ANKAR: variants seen among roughly 807,000 people sequenced by gnomAD.
ANKAR encodes ankyrin and armadillo repeat-containing protein.
Under a neutral mutation model 146.2 loss-of-function variants are expected in ANKAR, and 136 were observed. The ratio of observed to expected loss-of-function variants is 0.93; its 90% CI spans 0.81 to 1.07. The LOEUF is 1.07. Ranked by LOEUF, ANKAR falls within the 50% of genes least tolerant of loss-of-function variation. The pLI is 0.00. For synonymous variants in ANKAR, 500 were observed against 575.8 expected (o/e 0.87, Z 1.88); for missense variants, 1,567 against 1,679.9 (o/e 0.93, Z 1.18).
chr2:189,710,611 G>A (rs900142694), intron 9 of ANKAR, among the ~76,000 whole-genome samples: 1 of 152,122 alleles, frequency 6.6e-6, no homozygotes, highest in Non-Finnish European at 1.5e-5. Flanking sequence ...ACCAGCCTGG[G>A]CCACATGGCA....
At chr2:189,737,982 C>T in intron 18 of ANKAR, 141 bp downstream of exon 18, 2 of 708,850 alleles carry the variant, frequency 2.8e-6, no homozygotes, top group African/African-American at 3.7e-5. Context: ...CCTTCTACCT[C>T]ATAAAAACTC....
chr2:189,705,054 T>G lies in ANKAR; in HGVS notation c.1740T>G (p.Ala580=). The part of the protein sequence containing the change: ...GPTPLHLAAQ[A]CSLETTVCLL... ...CACCTCTACACCTTGCTGCACAGGC[T>G]TGCTCATTAGAAACAACAGTTTGTC... Residue 580 remains alanine (A), a synonymous_variant, in exon 8 of 23, where the codon GCT becomes GCG. Coordinates refer to ENST00000684021, the MANE Select transcript of ANKAR (RefSeq NM_001378068.1). 1 of 1,614,106 alleles carries G rather than the reference T, an allele frequency of 6.2e-7. No individual in the cohort carries two copies.
chr2:189,707,104 A>C lies in ANKAR; in HGVS notation c.2077A>C (p.Lys693Gln), dbSNP rs557968712. Residue 693 changes from lysine (K) to glutamine (Q), a missense_variant, in exon 9 of 23, where the codon AAA becomes CAA. Transcript: ENST00000684021. ...TACAGAGGTTCTCAAATATATAATA[A>C]AATTAAATATTCCTGAACTCCCAGT... ...FHTEVLKYII[K>Q]LNIPELPVWK... 2.5e-6 allele frequency: 4 copies of C among 1,579,706 alleles called. No individual in the cohort carries two copies. Among genetic ancestry groups the C allele is most frequent in the Non-Finnish European group, 3.4e-6 (4 of 1,162,758 alleles).
chr2:189,696,103 A>C (rs1408551458), intron 6 of ANKAR, 47 bp from the exon 7 acceptor site: 1 of 1,579,666 alleles, frequency 6.3e-7, no homozygotes, highest in Non-Finnish European at 8.6e-7. Flanking sequence ...CTTAAACCAA[A>C]CTTTAGGTGC....
intron 5 of ANKAR, among the ~76,000 whole-genome samples, chr2:189,693,657 G>C (rs1424292799): frequency 6.6e-6 from 1 of 152,174 alleles, no homozygotes. Context: ...ACCAAGTCTG[G>C]AACTTTGGAG....
At chr2:189,740,387 C>T (rs1228411409) in intron 19 of ANKAR, among the ~76,000 whole-genome samples, 1 of 152,136 alleles carries the variant, frequency 6.6e-6, no homozygotes, top group African/African-American at 2.4e-5. Context: ...AATTTCTTGG[C>T]TTATAATAGA....
intron 20 of ANKAR, among the ~76,000 whole-genome samples, chr2:189,742,864 T>TCACA (rs1456072937): frequency 0.012 from 138 of 11,536 alleles, 1 homozygote; most frequent in Non-Finnish European, 0.049. Context: ...TAGAATTACC[T>TCACA]GACACACACA....
intron 10 of ANKAR, among the ~76,000 whole-genome samples, chr2:189,713,669 G>A (rs992456388): frequency 1.3e-5 from 2 of 152,214 alleles, no homozygotes; most frequent in Admixed American, 6.5e-5. Flanking sequence ...ATGCTGAATT[G>A]TAAAGACCAT....
At position 189,709,518 on chromosome 2, in the gene ANKAR, G is replaced by A. The variant is rs566162169; in HGVS notation, c.2120-1531G>A. ...ACATTTAACTCTGAATCATGCACAT[G>A]CATTACTTTGATAAAAATAAAAAAC... is the stretch of plus-strand genomic sequence containing the variant. On this transcript the variant is annotated intron_variant, in intron 9 of 22. Transcript: ENST00000684021. Among the ~76,000 whole-genome samples the A allele has an allele frequency of 5.3e-5, 8 of 152,274 alleles. 1 individual carries two copies. The East Asian group carries it at 1.5e-3, about 29-fold the overall frequency.
chr2:189,756,163 A>G (rs1032107967), intron 18 of ANKAR, among the ~76,000 whole-genome samples: 17 of 152,226 alleles, frequency 1.1e-4, no homozygotes, highest in South Asian at 4.1e-4. Flanking sequence ...TTTAAAACAC[A>G]TTCCACTTGA....
intron 10 of ANKAR, among the ~76,000 whole-genome samples, chr2:189,714,625 A>T (rs778346027): frequency 2.0e-5 from 3 of 152,180 alleles, no homozygotes; most frequent in Non-Finnish European, 4.4e-5. Flanking sequence ...CGTAGAGGGA[A>T]ATTTATAGCA....
At position 189,733,155 on chromosome 2, in the gene ANKAR, T is replaced by C. The variant is rs1483550796; in HGVS notation, c.3349T>C (p.Leu1117=). Residue 1117 remains leucine, a synonymous_variant, in exon 17 of 23, where the codon TTA becomes CTA. Transcript: ENST00000684021. Reference sequence around the variant, plus strand: ...ATGCATTGTCCTAGGGAATGATGTGTTACAGAAAGACTTACATGAAAATGA... The same window carrying C: ...ATGCATTGTCCTAGGGAATGATGTGCTACAGAAAGACTTACATGAAAATGA... ...LACIVLGNDV[L]QKDLHENEGF... is the part of the protein sequence containing the mutation. 1 of 1,613,112 alleles carries C rather than the reference T, an allele frequency of 6.2e-7. No homozygotes were observed. Among genetic ancestry groups the C allele is most frequent in the East Asian group, 2.2e-5 (1 of 44,794 alleles).
downstream of ANKAR, among the ~76,000 whole-genome samples, chr2:189,748,376 TG>T (rs1017115534): frequency 1.1e-4 from 17 of 152,100 alleles, no homozygotes; most frequent in African/African-American, 3.9e-4. Context: ...CTGAGTGTGG[TG>T]GTACAGGCGT....
chr2:189,732,972 T>G (rs2042554189), intron 16 of ANKAR, 135 bp from the exon 17 acceptor site: 4 of 809,828 alleles, frequency 4.9e-6, no homozygotes, highest in Non-Finnish European at 7.1e-6. Context: ...GTAAGATAAC[T>G]GGAATCAATG....
chr2:189,687,296 C>T (rs754700024), intron 2 of ANKAR, among the ~76,000 whole-genome samples: 6 of 152,154 alleles, frequency 3.9e-5, no homozygotes, highest in South Asian at 2.1e-4. Flanking sequence ...TTGCAAATGA[C>T]GGAATCTCAT....
At position 189,705,112 on chromosome 2, in the gene ANKAR, G is replaced by GAAA. The variant is rs753688897; in HGVS notation, c.1802_1804dup (p.Lys601dup). The stretch of plus-strand genomic sequence containing the variant: ...TTCCAAAGCTGATTACACGCTTTCT[G>GAAA]AAAAAAGAGGCTGGATGCCGATTCA... On this transcript the variant is annotated inframe_insertion, in exon 8 of 23. Transcript: ENST00000684021. 6.2e-7 allele frequency: 1 copy of GAAA among 1,614,066 alleles called. No individual in the cohort carries two copies. The highest frequency in any genetic ancestry group is 8.5e-7 in the Non-Finnish European group (1 of 1,179,994).
chr2:189,750,707 A>G, downstream of ANKAR: 1 of 1,360,560 alleles, frequency 7.3e-7, no homozygotes, highest in Non-Finnish European at 1.0e-6. Flanking sequence ...ATGATCCATC[A>G]CTAGTTCTGC....
At chr2:189,745,023 AC>A in intron 22 of ANKAR, among the ~76,000 whole-genome samples, 1 of 130,282 alleles carries the variant, frequency 7.7e-6, no homozygotes, top group African/African-American at 2.6e-5. Context: ...TACTACTACT[AC>A]TACTAATAAT....
Position 189,759,310 on chromosome 2 carries a change from G to A in ANKAR, c.*585-1788G>A, listed in dbSNP as rs567285270. Among the ~76,000 whole-genome samples the A allele has an allele frequency of 7.3e-5, 11 of 151,472 alleles. No individual in the cohort carries two copies. The East Asian group carries it at 9.7e-4, about 13-fold the overall frequency. On this transcript the variant is annotated intron_variant and NMD_transcript_variant, in intron 18 of 18. Coordinates refer to the ANKAR transcript ENST00000441800. ...GTCGCCCGGGCTGGAGTCCAATGGC[G>A]CGATCTCTGCTCACTGCAAGCTCCG...
Sources: allele counts gnomAD v4.1 joint callset (sites outside exome capture counted in the v4.1 genomes callset), GRCh38; gene constraint gnomAD v4.1.1; transcripts MANE v1.5; gene names NCBI Gene and HGNC (gene_info 2026-07-23, HGNC 2026-07-21).